The following TSPAN18 variants were observed in gnomAD, a reference collection of about 807,000 sequenced individuals.
The protein encoded by TSPAN18 is tetraspanin 18, also known as tetraspanin-18.
In TSPAN18, 14 loss-of-function variants were observed where a neutral mutation model predicts 27.3. That is an observed-to-expected ratio of 0.51 (90% CI 0.34 to 0.80). The LOEUF is 0.80. Among genes scored for constraint, TSPAN18 ranks in the 30% least tolerant of loss-of-function variants. The pLI is 0.01. For synonymous variants in TSPAN18, 143 were observed against 136.5 expected (o/e 1.05, Z -0.33); for missense variants, 268 against 323.9 (o/e 0.83, Z 1.32).
chr11:44,901,938 T>C (rs1004928718), intron 3 of TSPAN18, among the ~76,000 whole-genome samples: 6 of 152,172 alleles, frequency 3.9e-5, no homozygotes, highest in Non-Finnish European at 7.3e-5. Context: ...TTCTGCGGAG[T>C]TGGCATGTGA....
intron 2 of TSPAN18, among the ~76,000 whole-genome samples, chr11:44,765,306 G>T (rs1019683878): frequency 6.6e-6 from 1 of 152,200 alleles, no homozygotes. Flanking sequence ...CAGGTCAGGG[G>T]TTGGGAGGTT....
intron 2 of TSPAN18, among the ~76,000 whole-genome samples, chr11:44,839,609 G>T (rs533516438): frequency 1.3e-5 from 2 of 152,116 alleles, no homozygotes; most frequent in African/African-American, 2.4e-5. Flanking sequence ...TGCCCCAGGG[G>T]TTCCTCTACC....
At chr11:44,798,270 G>C (rs145187210) in intron 2 of TSPAN18, among the ~76,000 whole-genome samples, 3 of 152,292 alleles carry the variant, frequency 2.0e-5, no homozygotes, top group Admixed American at 6.5e-5. Flanking sequence ...TTAAACTCCC[G>C]AGCAATGTGG....
At chr11:44,863,249 CAGTG>C (rs1857944398) in intron 3 of TSPAN18, among the ~76,000 whole-genome samples, 1 of 152,324 alleles carries the variant, frequency 6.6e-6, no homozygotes, top group African/African-American at 2.4e-5. Flanking sequence ...GAGGAAGACA[CAGTG>C]AGAGCAAAGG....
chr11:44,861,000 A>C (rs991050247), intron 3 of TSPAN18, among the ~76,000 whole-genome samples: 5 of 152,076 alleles, frequency 3.3e-5, no homozygotes, highest in Non-Finnish European at 7.4e-5. Context: ...ATATATTCCA[A>C]ATATATATAT....
rs758068325 is a variant in TSPAN18 at position 44,854,200 on chromosome 11, T to TC, written c.-152-6128_-152-6127insC. Among the ~76,000 whole-genome samples, 193 of 76,806 alleles carry TC rather than the reference T, an allele frequency of 2.5e-3. 2 individuals are homozygous for TC. The South Asian group carries it at 0.026, about 10-fold the overall frequency. 50.4% of individuals were successfully genotyped at this position (76,806 alleles called of 152,430 possible). On this transcript the variant is annotated intron_variant, in intron 2 of 9. Coordinates refer to ENST00000520358, the MANE Select transcript of TSPAN18 (RefSeq NM_130783.5). ...GGTCTCTGCTCATTGGGGCAGGGGG[T>TC]GGGGGGGGGGGTTTGTGTGCGTGTG...
rs113553565 is a variant in TSPAN18, at chr11:44,801,631, A to C, written c.-153+37119A>C. Among the ~76,000 whole-genome samples, 315 of 152,364 alleles carry C rather than the reference A, an allele frequency of 2.1e-3. 2 individuals carry two copies. Among genetic ancestry groups the C allele is most frequent in the African/African-American group, 7.2e-3 (301 of 41,598 alleles). On this transcript the variant is annotated intron_variant, in intron 2 of 9. Coordinates refer to ENST00000520358, the MANE Select transcript of TSPAN18 (RefSeq NM_130783.5). The stretch of plus-strand genomic sequence containing the variant: ...GGTGGTGGTTAAGAGCTCCAAAGAC[A>C]GAAGGAAACTGCCTCATTTGAATCC...
chr11:44,786,484 C>T (rs2134967177), intron 2 of TSPAN18, among the ~76,000 whole-genome samples: 1 of 152,172 alleles, frequency 6.6e-6, no homozygotes, highest in Non-Finnish European at 1.5e-5. Context: ...GGTTCCCTGC[C>T]AGTTTTGTGG....
chr11:44,740,184 C>G (rs1012129658), intron 1 of TSPAN18, among the ~76,000 whole-genome samples: 1 of 152,198 alleles, frequency 6.6e-6, no homozygotes, highest in African/African-American at 2.4e-5. Flanking sequence ...TCATCTTTTC[C>G]TTTTCATCTT....
chr11:44,773,659 C>T (rs967615758), intron 2 of TSPAN18, among the ~76,000 whole-genome samples: 1 of 152,104 alleles, frequency 6.6e-6, no homozygotes, highest in Admixed American at 6.5e-5. Context: ...ATGCCCATAG[C>T]AAGATGCTTC....
At chr11:44,793,228 A>T (rs745310652) in intron 2 of TSPAN18, among the ~76,000 whole-genome samples, 38 of 152,142 alleles carry the variant, frequency 2.5e-4, no homozygotes, top group Non-Finnish European at 4.9e-4. Context: ...GTGGCAAGGG[A>T]GCTGTGCTTT....
intron 2 of TSPAN18, among the ~76,000 whole-genome samples, chr11:44,824,896 G>T (rs116230589): frequency 2.0e-5 from 3 of 152,184 alleles, no homozygotes; most frequent in Non-Finnish European, 4.4e-5. Context: ...CCAGCCAAAG[G>T]CTTCGCTTGG....
At chr11:44,744,190 C>T (rs1401679135) in intron 1 of TSPAN18, among the ~76,000 whole-genome samples, 1 of 152,128 alleles carries the variant, frequency 6.6e-6, no homozygotes, top group African/African-American at 2.4e-5. Context: ...CCTGGGTTTG[C>T]GTGTATTATC....
At chr11:44,812,643 C>T (rs1856742456) in intron 2 of TSPAN18, among the ~76,000 whole-genome samples, 1 of 152,166 alleles carries the variant, frequency 6.6e-6, no homozygotes, top group Non-Finnish European at 1.5e-5. Context: ...GGCTAACATT[C>T]CTATTGCCCA....
chr11:44,878,879 A>G (rs1412849612), intron 3 of TSPAN18, among the ~76,000 whole-genome samples: 1 of 136,622 alleles, frequency 7.3e-6, no homozygotes, highest in Non-Finnish European at 1.7e-5. Flanking sequence ...GGAACTGAGA[A>G]GGGAGAGCTT....
chr11:44,811,103 C>A (rs192082068), intron 2 of TSPAN18, among the ~76,000 whole-genome samples: 68 of 149,790 alleles, frequency 4.5e-4, no homozygotes, highest in African/African-American at 1.6e-3. Flanking sequence ...CTTTTATATC[C>A]CTAGTCAATA....
chr11:44,780,690 C>T (rs1855917717), intron 2 of TSPAN18, among the ~76,000 whole-genome samples: 1 of 152,172 alleles, frequency 6.6e-6, no homozygotes, highest in Non-Finnish European at 1.5e-5. Context: ...GTCTGGAATC[C>T]ACTTGCTAGA....
intron 3 of TSPAN18, among the ~76,000 whole-genome samples, chr11:44,902,691 T>C (rs1026615241): frequency 3.3e-5 from 5 of 152,128 alleles, no homozygotes; most frequent in African/African-American, 7.2e-5. Context: ...GGATAGGTTG[T>C]CCTGGTGCCT....
intron 2 of TSPAN18, among the ~76,000 whole-genome samples, chr11:44,802,362 G>C (rs1035702084): frequency 1.3e-5 from 2 of 151,892 alleles, no homozygotes; most frequent in African/African-American, 4.8e-5. Flanking sequence ...AGGGGGTAGT[G>C]GTGGGGGCTG....
Sources: gnomAD v4.1 joint callset for allele counts (sites outside exome capture counted in the v4.1 genomes callset) on GRCh38, gnomAD v4.1.1 for gene constraint, MANE v1.5 for transcripts, NCBI Gene and HGNC (gene_info 2026-07-23, HGNC 2026-07-21) for gene names.